The following NFASC variants were observed in gnomAD, a reference collection of about 807,000 sequenced individuals.
NFASC encodes neurofascin, also known as neurofascin homolog.
NFASC carries 43 observed loss-of-function variants against 147.5 expected under a neutral mutation model. The observed-to-expected ratio is 0.29, with a 90% CI of 0.23 to 0.38. The LOEUF (loss-of-function observed/expected upper bound fraction) is 0.38, where lower values mean the gene tolerates loss of function less well. Among genes scored for constraint, NFASC ranks in the 10% least tolerant of loss-of-function variants. The probability of loss-of-function intolerance (pLI) is 1.00; values close to 1 mark genes in which losing one functional copy is unlikely to be tolerated. For missense variants in NFASC, 1,320 were observed against 1,689.0 expected, an observed-to-expected ratio of 0.78 and a Z score of 3.83; for synonymous variants, 622 against 665.5, an observed-to-expected ratio of 0.93 and a Z score of 1.01.
chr1:204,907,169 CAT>C (rs963624454), intron 1 of NFASC, among the ~76,000 whole-genome samples: 1 of 152,144 alleles, frequency 6.6e-6, no homozygotes, highest in African/African-American at 2.4e-5. Flanking sequence ...GCCATTCTAA[CAT>C]GTGTATAATG....
rs562703041 is a variant in NFASC, at chr1:204,987,193, C to A, written c.2471-225C>A. The A allele has an allele frequency of 1.1e-5, 6 of 559,782 alleles. No homozygotes were observed. In the East Asian group the frequency reaches 1.4e-4, roughly 13 times the overall value. The allele number at this position is 559,782 out of a possible 1,614,324, so 34.7% of individuals were successfully genotyped here. On this transcript the variant is annotated intron_variant, in intron 21 of 29. Coordinates refer to ENST00000339876, the MANE Select transcript of NFASC (RefSeq NM_001005388.3). The surrounding 1 kb of genome is among the most constrained non-coding windows in gnomAD (Gnocchi z 4.4). The stretch of plus-strand genomic sequence containing the variant: ...ATTTACTTCTTCCTCTCTTAAATAG[C>A]AGAGTCTGAGCTATGTTTGTCCTCA...
In NFASC at chr1:205,010,897, C is replaced by A. The variant is rs569622746; in HGVS notation, c.3421+1209C>A. 1 of 143,476 alleles carries A rather than the reference C, an allele frequency of 7.0e-6. No individual in the cohort carries two copies. Among genetic ancestry groups the A allele is most frequent in the Non-Finnish European group, 1.5e-5 (1 of 64,694 alleles). 8.9% of individuals were successfully genotyped at this position (143,476 alleles called of 1,614,324 possible). ...CAGCCTGGGCGGCAGAGCAAGACTC[C>A]GTCTCAAAAAAGGAAAAAAAAAAAA... On this transcript the variant is annotated intron_variant, in intron 28 of 29. Coordinates refer to ENST00000339876, the MANE Select transcript of NFASC (RefSeq NM_001005388.3). The surrounding 1 kb of genome is among the most constrained non-coding windows in gnomAD (Gnocchi z 4.1).
At position 204,861,724 on chromosome 1, in the gene NFASC, C is replaced by T. The variant is rs201461578; in HGVS notation, c.-200+32942C>T. On this transcript the variant is annotated intron_variant, in intron 1 of 29. Coordinates refer to ENST00000339876, the MANE Select transcript of NFASC (RefSeq NM_001005388.3). ...CAGGATGGTCTCGATCTCCTGACCT[C>T]GTGATCTGCCCACCTCGGCCTCCCA... Among the ~76,000 whole-genome samples the T allele has an allele frequency of 1.3e-3, 203 of 151,510 alleles. 2 individuals are homozygous for T. The East Asian group carries it at 0.034, about 25-fold the overall frequency.
intron 2 of NFASC, among the ~76,000 whole-genome samples, chr1:204,921,479 G>A (rs1415113935): frequency 6.6e-6 from 1 of 152,148 alleles, no homozygotes; most frequent in Non-Finnish European, 1.5e-5. Flanking sequence ...CTACCTCATC[G>A]AAGGTGTCTT....
At chr1:205,006,362 A>G (rs956742869) in intron 27 of NFASC, among the ~76,000 whole-genome samples, 1 of 152,256 alleles carries the variant, frequency 6.6e-6, no homozygotes, top group African/African-American at 2.4e-5. Flanking sequence ...CCCAGGAAAT[A>G]GAACAATTAA....
intron 2 of NFASC, among the ~76,000 whole-genome samples, chr1:204,933,252 C>T (rs988054811): frequency 2.0e-5 from 3 of 151,976 alleles, no homozygotes; most frequent in South Asian, 2.1e-4. Context: ...AGGTTATTGC[C>T]GTAGTGTATG....
chr1:204,969,039 A>T, intron 10 of NFASC, 57 bp downstream of exon 10: 3 of 1,510,366 alleles, frequency 2.0e-6, no homozygotes, highest in Non-Finnish European at 1.8e-6. Context: ...CACCATGCCC[A>T]CCCTTCCCTC....
intron 1 of NFASC, among the ~76,000 whole-genome samples, chr1:204,870,389 G>A (rs1572234689): frequency 6.6e-6 from 1 of 152,150 alleles, no homozygotes; most frequent in African/African-American, 2.4e-5. Flanking sequence ...GGAACAGGGT[G>A]GGTATTACAT....
chr1:205,011,817 C>T (rs775812070), intron 28 of NFASC, among the ~76,000 whole-genome samples: 35 of 152,232 alleles, frequency 2.3e-4, no homozygotes, highest in African/African-American at 7.5e-4. Flanking sequence ...CGGTGGCTCA[C>T]GCCTGTAATC....
chr1:204,892,839 A>C (rs1006539827), intron 1 of NFASC, among the ~76,000 whole-genome samples: 1 of 152,354 alleles, frequency 6.6e-6, no homozygotes, highest in Non-Finnish European at 1.5e-5. Context: ...TCATATCTCT[A>C]TTGGACAGTT....
intron 1 of NFASC, among the ~76,000 whole-genome samples, chr1:204,916,000 T>C (rs1235425288): frequency 6.6e-6 from 1 of 152,210 alleles, no homozygotes; most frequent in Non-Finnish European, 1.5e-5. Flanking sequence ...CAGTCCGACA[T>C]GCTGCGTCCT....
chr1:204,861,741 G>A (rs1359904193), intron 1 of NFASC, among the ~76,000 whole-genome samples: 2 of 152,054 alleles, frequency 1.3e-5, no homozygotes, highest in African/African-American at 2.4e-5. Flanking sequence ...TGCCCACCTC[G>A]GCCTCCCAAA....
At chr1:204,848,441 G>T (rs866277023) in intron 1 of NFASC, among the ~76,000 whole-genome samples, 5 of 152,172 alleles carry the variant, frequency 3.3e-5, no homozygotes, top group Middle Eastern at 6.8e-3. Flanking sequence ...GCTCAGGCTG[G>T]TCTCAAACTC....
At chr1:204,936,822 G>C (rs1022746214) in intron 2 of NFASC, among the ~76,000 whole-genome samples, 1 of 152,206 alleles carries the variant, frequency 6.6e-6, no homozygotes, top group Non-Finnish European at 1.5e-5. Flanking sequence ...TGTGCTTCAG[G>C]CTCCTTCTTT....
intron 20 of NFASC, among the ~76,000 whole-genome samples, chr1:204,981,014 C>CT (rs1456869281): frequency 6.6e-6 from 1 of 152,216 alleles, no homozygotes; most frequent in East Asian, 1.9e-4. Context: ...CTCAAAATGA[C>CT]TTTTTTCCCA....
intron 2 of NFASC, among the ~76,000 whole-genome samples, chr1:204,924,026 G>A (rs2091040435): frequency 6.6e-6 from 1 of 152,240 alleles, no homozygotes; most frequent in Non-Finnish European, 1.5e-5. Context: ...GCATAAGACA[G>A]CAAGGTTTCC....
chr1:204,859,894 G>A (rs1202134655), intron 1 of NFASC, among the ~76,000 whole-genome samples: 1 of 152,208 alleles, frequency 6.6e-6, no homozygotes, highest in Non-Finnish European at 1.5e-5. Flanking sequence ...AGGGGACTGG[G>A]CAGTTGGAGA....
intron 29 of NFASC, among the ~76,000 whole-genome samples, chr1:205,013,331 A>G (rs1018683330): frequency 6.6e-6 from 1 of 152,154 alleles, no homozygotes; most frequent in African/African-American, 2.4e-5. Context: ...TTAAAGCCTC[A>G]AGGAATGAAG....
chr1:204,940,904 A>G (rs192473493), intron 2 of NFASC, among the ~76,000 whole-genome samples: 11 of 152,284 alleles, frequency 7.2e-5, no homozygotes, highest in African/African-American at 2.6e-4. Flanking sequence ...TGCTGTGAAC[A>G]TTTTGTGTAC....
Sources: allele counts gnomAD v4.1 joint callset (sites outside exome capture counted in the v4.1 genomes callset), GRCh38; gene constraint gnomAD v4.1.1; non-coding constraint Gnocchi (gnomAD v3.1); transcripts MANE v1.5; gene names NCBI Gene and HGNC (gene_info 2026-07-23, HGNC 2026-07-21).